The following SRPX variants were observed in gnomAD, a reference collection of about 807,000 sequenced individuals.
The protein encoded by SRPX is sushi repeat-containing protein SRPX.
SRPX carries 24 observed loss-of-function variants against 38.1 expected under a neutral mutation model. That is an observed-to-expected ratio of 0.63 (90% CI 0.46 to 0.89). SRPX has a LOEUF of 0.89. Among genes scored for constraint, SRPX ranks in the 40% least tolerant of loss-of-function variants. The pLI is 0.00. For synonymous variants in SRPX, 184 were observed against 153.8 expected, an observed-to-expected ratio of 1.20 and a Z score of -1.45; for missense variants, 416 against 377.8, an observed-to-expected ratio of 1.10 and a Z score of -0.84.
rs1160579248 is a variant in SRPX at position 38,164,909 on chromosome X, C to G, written c.527-14G>C. On this transcript the variant is annotated splice_polypyrimidine_tract_variant and intron_variant, in intron 4 of 9. Transcript: ENST00000378533. ...GAGGTTCCATATCTGAAAATATAAC[C>G]AAAACATTCTCATCATCATCAAGAA... is the stretch of plus-strand genomic sequence containing the variant. 2 of 1,204,311 alleles carry G rather than the reference C, an allele frequency of 1.7e-6. No individual in the cohort carries two copies. The highest frequency in any genetic ancestry group is 3.6e-5 in the South Asian group (2 of 55,687).
intron 5 of SRPX, among the ~76,000 whole-genome samples, chrX:38,161,494 C>T (rs1162913597): frequency 2.3e-5 from 1 of 42,996 alleles, no homozygotes; most frequent in Admixed American, 3.0e-4. Context: ...GCCTGCGGGG[C>T]GGGGGTGGGT....
chrX:38,213,247 T>TG (rs1210851681), intron 1 of SRPX, among the ~76,000 whole-genome samples: 1 of 111,652 alleles, frequency 9.0e-6, no homozygotes, highest in Non-Finnish European at 1.9e-5. Context: ...GGAGTTTATT[T>TG]GGGGGGCAAT....
At chrX:38,208,623 C>A in intron 1 of SRPX, among the ~76,000 whole-genome samples, 1 of 111,101 alleles carries the variant, frequency 9.0e-6, no homozygotes. Flanking sequence ...GAAGGGTGGG[C>A]CTGCTTTCAA....
At chrX:38,187,500 G>GA (rs1938809417) in intron 1 of SRPX, among the ~76,000 whole-genome samples, 1 of 112,276 alleles carries the variant, frequency 8.9e-6, no homozygotes, top group Non-Finnish European at 1.9e-5. Context: ...TTTGCTTTAG[G>GA]AAAAAGTGAT....
chrX:38,214,634 G>T (rs1601875833), intron 1 of SRPX, among the ~76,000 whole-genome samples: 1 of 111,997 alleles, frequency 8.9e-6, no homozygotes, highest in Admixed American at 9.5e-5. Context: ...TCAGTGTTGG[G>T]GATTGAAAGG....
intron 1 of SRPX, among the ~76,000 whole-genome samples, chrX:38,188,678 C>T (rs1231924840): frequency 9.0e-6 from 1 of 111,221 alleles, no homozygotes; most frequent in Non-Finnish European, 1.9e-5. Flanking sequence ...TTTTGAAATA[C>T]GTATCCATTG....
chrX:38,154,698 ACT>A, intron 8 of SRPX, 115 bp from the exon 9 acceptor site: 1 of 948,973 alleles, frequency 1.1e-6, no homozygotes, highest in Non-Finnish European at 1.4e-6. Context: ...TTATTTGCTC[ACT>A]CTGAACTGTC....
chrX:38,160,924 T>C lies in SRPX; in HGVS notation c.775+9A>G. ...AGGGGGAAACAAAACCAATAAGCAG[T>C]ACTCTTACCTCTTACTTTAACTCGA... On this transcript the variant is annotated intron_variant, in intron 6 of 9. Transcript: ENST00000378533. 3.1e-5 allele frequency: 37 copies of C among 1,208,589 alleles called. No homozygotes were observed. Among genetic ancestry groups the C allele is most frequent in the Non-Finnish European group, 4.1e-5 (37 of 893,789 alleles).
intron 1 of SRPX, among the ~76,000 whole-genome samples, chrX:38,209,115 C>T (rs1939270571): frequency 9.1e-6 from 1 of 109,295 alleles, no homozygotes; most frequent in South Asian, 4.0e-4. Context: ...ATCAGATGGG[C>T]CATTTTATAG....
chrX:38,156,264 T>C (rs922085670), intron 8 of SRPX, among the ~76,000 whole-genome samples: 1 of 111,870 alleles, frequency 8.9e-6, no homozygotes, highest in Admixed American at 9.5e-5. Context: ...CCCAAGATGT[T>C]GGTTGCCTCA....
chrX:38,153,600 G>C (rs1265082923), intron 9 of SRPX, among the ~76,000 whole-genome samples: 7 of 111,517 alleles, frequency 6.3e-5, no homozygotes, highest in Non-Finnish European at 1.3e-4. Flanking sequence ...TCCCTTAAAA[G>C]TGAATTGCAA....
intron 1 of SRPX, among the ~76,000 whole-genome samples, chrX:38,205,088 C>T (rs1181139527): frequency 8.9e-6 from 1 of 112,025 alleles, no homozygotes; most frequent in Non-Finnish European, 1.9e-5. Flanking sequence ...ACTTAACGGC[C>T]ATGGCTAGCA....
rs776621983 is a variant in SRPX at position 38,149,892 on chromosome X, A to T, written c.1214T>A (p.Leu405Gln). 8.3e-7 allele frequency: 1 copy of T among 1,198,602 alleles called. No homozygotes were observed. Among genetic ancestry groups the T allele is most frequent in the South Asian group, 1.9e-5 (1 of 54,001 alleles). ...GGAGTAGAGTGGGATTCGCAGCAAC[A>T]GCCTGTGGCAGACAAAGAAAAGAGG... is the stretch of plus-strand genomic sequence containing the variant. Reference protein sequence around the residue: ...MPPALALQLRLLLRIPLYSFS... With the variant: ...MPPALALQLRQLLRIPLYSFS... Residue 405 changes from leucine (L) to glutamine (Q), a missense_variant and splice_region_variant, in exon 10 of 10, where the codon CTG becomes CAG. Leu to Gln is a moderately radical substitution (Grantham distance 113). Coordinates refer to ENST00000378533, the MANE Select transcript of SRPX (RefSeq NM_006307.5).
intron 6 of SRPX, 54 bp from the exon 7 acceptor site, chrX:38,160,250 T>C (rs1358046609): frequency 3.5e-6 from 4 of 1,148,187 alleles, no homozygotes; most frequent in Non-Finnish European, 4.7e-6. Flanking sequence ...ATCCACAGAG[T>C]AAGCAGAAAA....
chrX:38,167,889 T>C (rs1395557037), intron 4 of SRPX, among the ~76,000 whole-genome samples: 1 of 111,685 alleles, frequency 9.0e-6, no homozygotes, highest in African/African-American at 3.3e-5. Flanking sequence ...GCCTCCCAAG[T>C]AGCTGGGACT....
chrX:38,164,766 T>A lies in SRPX; in HGVS notation c.653+3A>T, dbSNP rs780741445. The A allele has an allele frequency of 8.3e-7, 1 of 1,208,394 alleles. No individual in the cohort carries two copies. Among genetic ancestry groups the A allele is most frequent in the Non-Finnish European group, 1.1e-6 (1 of 894,529 alleles). On this transcript the variant is annotated splice_donor_region_variant and intron_variant, in intron 5 of 9. Transcript: ENST00000378533. ...ATCATTTTATCTGCCAAGTTTCACTTACTCAGTAAGAATTCCATCTGCTGT... is the reference window on the plus strand; with the variant it reads ...ATCATTTTATCTGCCAAGTTTCACTAACTCAGTAAGAATTCCATCTGCTGT...
chrX:38,153,302 C>CTTTTTTTTTTTTTTTT (rs58888978), intron 9 of SRPX, among the ~76,000 whole-genome samples: 32 of 54,723 alleles, frequency 5.8e-4, no homozygotes, highest in East Asian at 1.7e-3. Flanking sequence ...TTCTTTCTTT[C>CTTTTTTTTTTTTTTTT]TTTTTTTTTT....
intron 5 of SRPX, among the ~76,000 whole-genome samples, chrX:38,163,582 C>T (rs1188631126): frequency 2.7e-5 from 3 of 111,655 alleles, no homozygotes; most frequent in Admixed American, 1.9e-4. Context: ...ACATAGCTAA[C>T]CCTCACAAAG....
At chrX:38,173,149 C>A (rs1478631046) in intron 3 of SRPX, among the ~76,000 whole-genome samples, 1 of 112,342 alleles carries the variant, frequency 8.9e-6, no homozygotes, top group East Asian at 2.8e-4. Flanking sequence ...AACATAATGG[C>A]ACCCATATTG....
Sources: gnomAD v4.1 joint callset for allele counts (sites outside exome capture counted in the v4.1 genomes callset) on GRCh38, gnomAD v4.1.1 for gene constraint, MANE v1.5 for transcripts, NCBI Gene and HGNC (gene_info 2026-07-23, HGNC 2026-07-21) for gene names.